Variants in EFHC1 observed in about 807,000 individuals in gnomAD.
EFHC1 encodes EF-hand domain-containing protein 1.
In EFHC1, 53 loss-of-function variants were observed where a neutral mutation model predicts 69.9. That is an observed-to-expected ratio of 0.76 (90% CI 0.61 to 0.95). The LOEUF is 0.95. Ranked by LOEUF, EFHC1 falls within the 40% of genes least tolerant of loss-of-function variation. EFHC1 has a pLI of 0.00. For missense variants in EFHC1, 739 were observed against 798.7 expected, an observed-to-expected ratio of 0.93 and a Z score of 0.90; for synonymous variants, 256 against 278.4, an observed-to-expected ratio of 0.92 and a Z score of 0.80.
chr6:52,453,739 A>G, intron 4 of EFHC1: 3 of 1,243,234 alleles, frequency 2.4e-6, no homozygotes, highest in Non-Finnish European at 3.1e-6. Context: ...TATATAAACC[A>G]TATTCACATG....
intron 5 of EFHC1, among the ~76,000 whole-genome samples, chr6:52,460,138 A>C (rs1765132394): frequency 6.6e-6 from 1 of 152,210 alleles, no homozygotes; most frequent in Admixed American, 6.5e-5. Context: ...AAGAATGCAA[A>C]TGTCTATTAA....
chr6:52,469,542 C>T, intron 7 of EFHC1, 69 bp downstream of exon 7: 3 of 1,591,260 alleles, frequency 1.9e-6, no homozygotes, highest in East Asian at 2.2e-5. Context: ...TTTATTTTAT[C>T]TGTAAGCTGT....
intron 1 of EFHC1, among the ~76,000 whole-genome samples, chr6:52,422,392 C>G (rs867963349): frequency 6.6e-6 from 1 of 152,102 alleles, no homozygotes; most frequent in Non-Finnish European, 1.5e-5. Context: ...TACTATATAC[C>G]TGGAGCAGTC....
In EFHC1 at chr6:52,443,698, C is replaced by G. The variant is rs895798837; in HGVS notation, c.573+5107C>G. Among the ~76,000 whole-genome samples the G allele has an allele frequency of 3.7e-4, 56 of 151,830 alleles. 1 individual carries two copies. Among genetic ancestry groups the G allele is most frequent in the South Asian group, 1.5e-3 (7 of 4,816 alleles). On this transcript the variant is annotated intron_variant, in intron 3 of 10. Transcript: ENST00000371068. The stretch of plus-strand genomic sequence containing the variant: ...TTGTTTTGGTTACTGTAGCCTTGTA[C>G]TATAGTTTGAAGTCAGGTAGCGTGA...
chr6:52,480,664 G>A (rs1287540895), intron 9 of EFHC1, among the ~76,000 whole-genome samples: 2 of 152,216 alleles, frequency 1.3e-5, no homozygotes, highest in African/African-American at 4.8e-5. Flanking sequence ...ACCTTGAGGT[G>A]ACAATGAACA....
chr6:52,424,121 C>T lies in EFHC1; in HGVS notation c.239C>T (p.Ala80Val), dbSNP rs777941837. The T allele has an allele frequency of 3.1e-6, 5 of 1,614,130 alleles. No homozygotes were observed. The highest frequency in any genetic ancestry group is 4.2e-6 in the Non-Finnish European group (5 of 1,180,018). Residue 80 changes from alanine to valine, a missense_variant, in exon 2 of 11, where the codon GCC becomes GTC. Physicochemically the swap from Ala to Val is moderately conservative, Grantham distance 64 (BLOSUM62 0). Transcript: ENST00000371068. The stretch of plus-strand genomic sequence containing the variant: ...TTAACTTATGGCCAACCTAAACAAG[C>T]CCCACCTGCGGATTTTATTCCTGCG... ...PVLTYGQPKQ[A>V]PPADFIPAHV...
At position 52,469,510 on chromosome 6, in the gene EFHC1, A is replaced by G. The variant is rs186224506; in HGVS notation, c.1278+37A>G. 1.7e-5 allele frequency: 28 copies of G among 1,611,048 alleles called. No individual in the cohort carries two copies. The East Asian group carries it at 5.1e-4, about 30-fold the overall frequency. ...TTTTATATACTAAAGATTCTCTTCT[A>G]TCTCAGTACTGTGTACAATTGTTTA... is the stretch of plus-strand genomic sequence containing the variant. On this transcript the variant is annotated intron_variant, in intron 7 of 10. Coordinates refer to ENST00000371068, the MANE Select transcript of EFHC1 (RefSeq NM_018100.4).
intron 1 of EFHC1, chr6:52,421,130 A>C: frequency 1.2e-6 from 1 of 838,190 alleles, no homozygotes; most frequent in Non-Finnish European, 1.4e-6. Flanking sequence ...CATCTTCTAC[A>C]TTTTCCACAA....
chr6:52,429,731 A>G (rs62407889), intron 2 of EFHC1, among the ~76,000 whole-genome samples: 19,869 of 152,184 alleles, frequency 0.13, 1,369 homozygotes, highest in Middle Eastern at 0.25. Flanking sequence ...TCTGTGAAGA[A>G]TGATAGTGGT....
At chr6:52,455,671 G>C (rs896862941) in intron 5 of EFHC1, among the ~76,000 whole-genome samples, 2 of 151,586 alleles carry the variant, frequency 1.3e-5, no homozygotes, top group African/African-American at 4.8e-5. Context: ...AAAAGAAAAA[G>C]AAATTTCAGG....
At chr6:52,474,689 TAAC>T (rs1303785542) in intron 7 of EFHC1, among the ~76,000 whole-genome samples, 2 of 152,228 alleles carry the variant, frequency 1.3e-5, no homozygotes, top group East Asian at 3.8e-4. Flanking sequence ...CAGCTACTAA[TAAC>T]AACATGGCTA....
At chr6:52,452,127 C>G (rs923952034) in intron 3 of EFHC1, among the ~76,000 whole-genome samples, 1 of 152,192 alleles carries the variant, frequency 6.6e-6, no homozygotes, top group Admixed American at 6.5e-5. Context: ...TGCCTCCCAA[C>G]TAGCTTAGCA....
intron 2 of EFHC1, among the ~76,000 whole-genome samples, chr6:52,435,643 G>C (rs1764516244): frequency 6.6e-6 from 1 of 152,078 alleles, no homozygotes; most frequent in African/African-American, 2.4e-5. Context: ...TGCAGACCTG[G>C]ACTATTGAAG....
At chr6:52,441,182 T>C (rs562952836) in intron 3 of EFHC1, among the ~76,000 whole-genome samples, 1 of 152,204 alleles carries the variant, frequency 6.6e-6, no homozygotes, top group Non-Finnish European at 1.5e-5. Flanking sequence ...TGATTGCTTT[T>C]GGTGTCTTTG....
intron 5 of EFHC1, among the ~76,000 whole-genome samples, chr6:52,460,724 T>C (rs182736970): frequency 6.6e-6 from 1 of 152,208 alleles, no homozygotes; most frequent in East Asian, 1.9e-4. Flanking sequence ...TTCAGAGTGC[T>C]GAGAAAAAAA....
chr6:52,469,140 A>G, intron 6 of EFHC1, 193 bp from the exon 7 acceptor site: 1 of 650,072 alleles, frequency 1.5e-6, no homozygotes, highest in South Asian at 1.9e-5. Context: ...TTCTGTGATC[A>G]GTGAACATGA....
Position 52,494,661 on chromosome 6 carries a change from G to T in EFHC1, c.*2320G>T. 2.2e-6 allele frequency: 1 copy of T among 454,050 alleles called. No individual in the cohort carries two copies. The highest frequency in any genetic ancestry group is 4.4e-6 in the Non-Finnish European group (1 of 226,768). The allele number at this position is 454,050 out of a possible 1,614,324, so 28.1% of individuals were successfully genotyped here. A position where few individuals can be genotyped will look rare whatever the true frequency, so the allele number is the denominator to read the frequency against. Reference sequence around the variant, plus strand: ...ATTGCACCCAGGTAGTGAGCATAGTGCCCAGTAAGTAGTTTTTCCACACAT... The same window carrying T: ...ATTGCACCCAGGTAGTGAGCATAGTTCCCAGTAAGTAGTTTTTCCACACAT... On this transcript the variant is annotated 3_prime_UTR_variant, in exon 11 of 11. Transcript: ENST00000371068.
intron 6 of EFHC1, chr6:52,469,093 GT>G (rs1303284228): frequency 9.6e-6 from 5 of 519,534 alleles, no homozygotes; most frequent in Non-Finnish European, 1.7e-5. Flanking sequence ...TAGTTTCTCT[GT>G]AGCCCTGAGA....
intron 5 of EFHC1, 100 bp downstream of exon 5, chr6:52,454,387 TC>T: frequency 5.5e-6 from 8 of 1,457,948 alleles, no homozygotes. Flanking sequence ...CTTGGAAGCC[TC>T]TAGCTATTTT....
Sources: gnomAD v4.1 joint callset for allele counts (sites outside exome capture counted in the v4.1 genomes callset) on GRCh38, gnomAD v4.1.1 for gene constraint, MANE v1.5 for transcripts, NCBI Gene and HGNC (gene_info 2026-07-23, HGNC 2026-07-21) for gene names.